The following CSMD2 variants were observed in gnomAD, a reference collection of about 807,000 sequenced individuals.
CSMD2 encodes the protein CUB and Sushi multiple domains 2.
A neutral mutation model predicts 398.5 loss-of-function variants in CSMD2; 130 were observed. The ratio of observed to expected loss-of-function variants is 0.33; its 90% CI spans 0.28 to 0.38. CSMD2 has a LOEUF of 0.38. Ranked by LOEUF, CSMD2 falls within the 10% of genes least tolerant of loss-of-function variation. CSMD2 has a pLI of 1.00. For synonymous variants in CSMD2, 1,828 were observed against 1,908.5 expected (o/e 0.96, Z 1.10); for missense variants, 3,829 against 4,764.9 (o/e 0.80, Z 5.78).
At chr1:33,594,130 T>C (rs977724699) in intron 44 of CSMD2, among the ~76,000 whole-genome samples, 2 of 152,244 alleles carry the variant, frequency 1.3e-5, no homozygotes, top group Non-Finnish European at 2.9e-5. Context: ...TAGCTTTAAG[T>C]CTGTGCTTAA....
At chr1:34,061,010 G>A (rs767517480) in intron 2 of CSMD2, among the ~76,000 whole-genome samples, 2 of 152,112 alleles carry the variant, frequency 1.3e-5, no homozygotes, top group Non-Finnish European at 2.9e-5. Context: ...ATAATCCGTA[G>A]CCGTGGAAGA....
chr1:33,798,249 T>C (rs1655181686), intron 10 of CSMD2, among the ~76,000 whole-genome samples: 1 of 152,246 alleles, frequency 6.6e-6, no homozygotes, highest in African/African-American at 2.4e-5. Context: ...CACATTTGTA[T>C]ACAGCTCAGA....
At chr1:34,161,208 A>C (rs1322267952) in intron 1 of CSMD2, among the ~76,000 whole-genome samples, 1 of 152,226 alleles carries the variant, frequency 6.6e-6, no homozygotes, top group Non-Finnish European at 1.5e-5. Flanking sequence ...GAAGCTAATA[A>C]GATTGCTCTG....
intron 5 of CSMD2, among the ~76,000 whole-genome samples, chr1:33,878,665 G>A (rs892921215): frequency 2.6e-5 from 4 of 152,164 alleles, no homozygotes; most frequent in Non-Finnish European, 5.9e-5. Flanking sequence ...CTCTGTGTCC[G>A]AAAGACACCC....
At chr1:33,851,029 G>T (rs1313778974) in intron 5 of CSMD2, among the ~76,000 whole-genome samples, 2 of 152,194 alleles carry the variant, frequency 1.3e-5, no homozygotes, top group South Asian at 2.1e-4. Flanking sequence ...AACAGTGACT[G>T]TGCAAGGAAT....
intron 6 of CSMD2, among the ~76,000 whole-genome samples, chr1:33,828,291 G>C (rs1341274273): frequency 1.3e-5 from 2 of 152,328 alleles, no homozygotes; most frequent in East Asian, 3.9e-4. Flanking sequence ...GTGCGGCAGG[G>C]GGATAGCCCT....
intron 1 of CSMD2, among the ~76,000 whole-genome samples, chr1:34,121,995 T>G (rs1208952106): frequency 1.9e-5 from 1 of 52,954 alleles, no homozygotes; most frequent in Non-Finnish European, 4.1e-5. Flanking sequence ...ATTTTTCTGG[T>G]TTTTTTTTTT....
intron 24 of CSMD2, among the ~76,000 whole-genome samples, chr1:33,694,863 C>T (rs1357818074): frequency 6.6e-6 from 1 of 152,192 alleles, no homozygotes; most frequent in Admixed American, 6.5e-5. Flanking sequence ...CTTCAACCTG[C>T]TTCTTGATAG....
At chr1:33,934,354 C>T (rs1264665442) in intron 4 of CSMD2, among the ~76,000 whole-genome samples, 1 of 152,140 alleles carries the variant, frequency 6.6e-6, no homozygotes, top group Non-Finnish European at 1.5e-5. Flanking sequence ...AGAGCCAAAA[C>T]AATTCCCATC....
At chr1:33,642,918 G>C (rs535156141) in intron 29 of CSMD2, among the ~76,000 whole-genome samples, 3 of 152,228 alleles carry the variant, frequency 2.0e-5, no homozygotes, top group Admixed American at 6.5e-5. Flanking sequence ...CTCTGCCTTG[G>C]GTCAGGGGAA....
intron 57 of CSMD2, among the ~76,000 whole-genome samples, chr1:33,544,345 C>T (rs1656669228): frequency 6.6e-6 from 1 of 151,528 alleles, no homozygotes; most frequent in African/African-American, 2.4e-5. Flanking sequence ...TCTCGACCTC[C>T]TGACCTCGTG....
intron 3 of CSMD2, among the ~76,000 whole-genome samples, chr1:34,020,619 G>A (rs1415750722): frequency 6.7e-6 from 1 of 148,742 alleles, no homozygotes; most frequent in African/African-American, 2.5e-5. Context: ...TTTTCAGCAG[G>A]AACACGGTGG....
intron 3 of CSMD2, among the ~76,000 whole-genome samples, chr1:34,027,289 C>G (rs1054458662): frequency 7.2e-5 from 11 of 152,202 alleles, no homozygotes; most frequent in Admixed American, 5.2e-4. Context: ...TTCACCTTAC[C>G]TACAATCAAA....
chr1:33,616,086 C>A (rs148915727), intron 39 of CSMD2, among the ~76,000 whole-genome samples: 1 of 152,340 alleles, frequency 6.6e-6, no homozygotes, highest in East Asian at 1.9e-4. Flanking sequence ...TGCCTTTCTT[C>A]TTTGCCTAAC....
intron 3 of CSMD2, among the ~76,000 whole-genome samples, chr1:33,988,998 A>ATC (rs1240573171): frequency 3.8e-5 from 5 of 131,682 alleles, no homozygotes; most frequent in Non-Finnish European, 4.8e-5. Flanking sequence ...ACAGGTAAAA[A>ATC]TCTCTCTCTC....
rs557256560 is a variant in CSMD2, at chr1:33,912,530, C to A, written c.920+5564G>T. Among the ~76,000 whole-genome samples, 6 of 152,170 alleles carry A rather than the reference C, an allele frequency of 3.9e-5. No homozygotes were observed. In the South Asian group the frequency reaches 6.2e-4, roughly 16 times the overall value. Reference sequence around the variant, plus strand: ...TCCCTGTTGTAGGAAGAATTTGCCCCTTGGGGAGGGGTAGAGGAAAGAAGG... The same window carrying A: ...TCCCTGTTGTAGGAAGAATTTGCCCATTGGGGAGGGGTAGAGGAAAGAAGG... On this transcript the variant is annotated intron_variant, in intron 5 of 70. Transcript: ENST00000373381.
intron 25 of CSMD2, among the ~76,000 whole-genome samples, chr1:33,679,952 G>C (rs1644849614): frequency 7.0e-6 from 1 of 143,334 alleles, no homozygotes. Context: ...ATGGAGTCTT[G>C]CTCTGTCACC....
chr1:33,883,468 CCT>C (rs1641373157), intron 5 of CSMD2, among the ~76,000 whole-genome samples: 1 of 151,914 alleles, frequency 6.6e-6, no homozygotes, highest in Non-Finnish European at 1.5e-5. Flanking sequence ...CTCACAGTTG[CCT>C]TTTTTTTTTA....
chr1:33,654,965 C>T (rs1571107299), intron 27 of CSMD2, among the ~76,000 whole-genome samples: 1 of 152,278 alleles, frequency 6.6e-6, no homozygotes, highest in Non-Finnish European at 1.5e-5. Flanking sequence ...CAGATCTCTT[C>T]TAGATAGTTC....
Sources: allele counts gnomAD v4.1 joint callset (sites outside exome capture counted in the v4.1 genomes callset), GRCh38; gene constraint gnomAD v4.1.1; transcripts MANE v1.5; gene names NCBI Gene and HGNC (gene_info 2026-07-23, HGNC 2026-07-21).